The following MBNL1 variants were observed in gnomAD, a reference collection of about 807,000 sequenced individuals.
MBNL1 encodes muscleblind-like protein 1.
MBNL1 carries 8 observed loss-of-function variants against 42.2 expected under a neutral mutation model. The observed-to-expected ratio is 0.19, with a 90% confidence interval of 0.11 to 0.34. MBNL1 has a LOEUF of 0.34. MBNL1 is among the 10% of genes least tolerant of loss of function. The pLI, the probability that MBNL1 is intolerant of heterozygous loss-of-function variation, is 1.00. For synonymous variants in MBNL1, 169 were observed against 173.9 expected (o/e 0.97, Z 0.22); for missense variants, 309 against 495.3 (o/e 0.62, Z 3.57).
intron 2 of MBNL1, among the ~76,000 whole-genome samples, chr3:152,325,804 T>TTC (rs1553826524): frequency 6.6e-6 from 1 of 150,954 alleles, no homozygotes; most frequent in Admixed American, 6.6e-5. Flanking sequence ...TTTTTTTTTT[T>TTC]CCCCTGTGAT....
rs148285834 is a variant in MBNL1 at position 152,326,133 on chromosome 3, G to A, written c.174+25766G>A. Among the ~76,000 whole-genome samples, 591 of 152,092 alleles carry A rather than the reference G, an allele frequency of 3.9e-3. 1 individual carries two copies. Among genetic ancestry groups the A allele is most frequent in the African/African-American group, 0.014 (561 of 41,510 alleles). On this transcript the variant is annotated intron_variant, in intron 2 of 9. Transcript: ENST00000324210. The stretch of plus-strand genomic sequence containing the variant: ...TATGAAAATTGACGACAATTTTATT[G>A]TATCATTTGATAGCCACTTTATGTT...
chr3:152,420,711 T>C (rs2098790693), intron 3 of MBNL1, among the ~76,000 whole-genome samples: 1 of 152,110 alleles, frequency 6.6e-6, no homozygotes, highest in South Asian at 2.1e-4. Context: ...TGCCTCTTCT[T>C]CTCCAAAGGA....
chr3:152,334,476 A>G (rs1368959645), intron 2 of MBNL1, among the ~76,000 whole-genome samples: 1 of 152,210 alleles, frequency 6.6e-6, no homozygotes, highest in African/African-American at 2.4e-5. Flanking sequence ...AAAAGCAAAT[A>G]ATCAAAAACA....
intron 2 of MBNL1, among the ~76,000 whole-genome samples, chr3:152,323,133 T>A (rs2077363288): frequency 6.6e-6 from 1 of 152,122 alleles, no homozygotes; most frequent in African/African-American, 2.4e-5. Context: ...AACATTACAT[T>A]TGCATTCTAT....
At chr3:152,400,288 T>C (rs934673575) in intron 2 of MBNL1, among the ~76,000 whole-genome samples, 3 of 131,556 alleles carry the variant, frequency 2.3e-5, no homozygotes, top group South Asian at 2.3e-4. Context: ...AAATTTATAA[T>C]ATGCCACTTT....
At chr3:152,358,019 G>A (rs1052096465) in intron 2 of MBNL1, among the ~76,000 whole-genome samples, 1 of 152,158 alleles carries the variant, frequency 6.6e-6, no homozygotes, top group Non-Finnish European at 1.5e-5. Context: ...GCGCACGCAC[G>A]TGCGTGTATC....
intron 2 of MBNL1, among the ~76,000 whole-genome samples, chr3:152,309,227 T>C (rs1374452325): frequency 6.6e-6 from 1 of 152,120 alleles, no homozygotes; most frequent in Non-Finnish European, 1.5e-5. Flanking sequence ...GTAAAAGACT[T>C]CACATAGCCA....
intron 2 of MBNL1, among the ~76,000 whole-genome samples, chr3:152,345,496 G>C (rs939318): frequency 0.016 from 2,387 of 152,124 alleles, 55 homozygotes; most frequent in African/African-American, 0.055. Flanking sequence ...TGTGGAAATA[G>C]GACTTTGATA....
At chr3:152,334,685 T>G (rs2088264621) in intron 2 of MBNL1, among the ~76,000 whole-genome samples, 1 of 152,226 alleles carries the variant, frequency 6.6e-6, no homozygotes, top group Non-Finnish European at 1.5e-5. Flanking sequence ...TTATTTTATA[T>G]GGTAACATTC....
At chr3:152,296,672 T>TTG (rs10564035) in intron 1 of MBNL1, among the ~76,000 whole-genome samples, 5,679 of 148,574 alleles carry the variant, frequency 0.038, 171 homozygotes, top group African/African-American at 0.085. Context: ...GAGGCAATGA[T>TTG]TGTGTGTGTG....
intron 2 of MBNL1, among the ~76,000 whole-genome samples, chr3:152,370,622 G>A (rs2096616487): frequency 6.6e-6 from 1 of 152,118 alleles, no homozygotes; most frequent in African/African-American, 2.4e-5. Context: ...ACTATTAATT[G>A]GGTGGGAGTC....
At chr3:152,357,700 C>G (rs2153079279) in intron 2 of MBNL1, among the ~76,000 whole-genome samples, 1 of 152,240 alleles carries the variant, frequency 6.6e-6, no homozygotes, top group Middle Eastern at 3.4e-3. Flanking sequence ...TATTTTCCCA[C>G]CTTACTCTTG....
intron 6 of MBNL1, chr3:152,449,508 T>C (rs1219499874): frequency 1.3e-5 from 2 of 152,216 alleles, no homozygotes; most frequent in African/African-American, 4.8e-5. Flanking sequence ...CAAATGACTA[T>C]AGTTTTTTTT....
chr3:152,335,402 C>A (rs562485488), intron 2 of MBNL1, among the ~76,000 whole-genome samples: 5 of 152,282 alleles, frequency 3.3e-5, no homozygotes, highest in African/African-American at 1.2e-4. Context: ...ATCTGTGATT[C>A]TGTATATGTT....
chr3:152,265,582 C>T (rs189601378), upstream of MBNL1: 3 of 152,198 alleles, frequency 2.0e-5, no homozygotes, highest in East Asian at 5.8e-4. Flanking sequence ...CTGCCATTAT[C>T]TTTATCTTTA....
chr3:152,344,829 C>T (rs1171371704), intron 2 of MBNL1, among the ~76,000 whole-genome samples: 2 of 152,096 alleles, frequency 1.3e-5, no homozygotes. Context: ...AAAGTGGCTT[C>T]TTTTGCTGTT....
At chr3:152,420,075 A>G (rs1052963375) in intron 3 of MBNL1, among the ~76,000 whole-genome samples, 2 of 152,196 alleles carry the variant, frequency 1.3e-5, no homozygotes, top group African/African-American at 4.8e-5. Context: ...CTCTCTGGGC[A>G]GGGCATCTCT....
At chr3:152,318,349 C>G (rs1164681548) in intron 2 of MBNL1, among the ~76,000 whole-genome samples, 1 of 152,126 alleles carries the variant, frequency 6.6e-6, no homozygotes, top group Non-Finnish European at 1.5e-5. Flanking sequence ...ACTATATTTG[C>G]AATGTCTTGA....
intron 2 of MBNL1, among the ~76,000 whole-genome samples, chr3:152,348,307 T>G (rs572696432): frequency 5.1e-4 from 78 of 152,266 alleles, no homozygotes; most frequent in Non-Finnish European, 9.0e-4. Context: ...CAATGTGTAT[T>G]TACTGAATAA....
Sources: allele counts gnomAD v4.1 joint callset (sites outside exome capture counted in the v4.1 genomes callset), GRCh38; gene constraint gnomAD v4.1.1; transcripts MANE v1.5; gene names NCBI Gene and HGNC (gene_info 2026-07-23, HGNC 2026-07-21).